Variants in MPP7 observed in about 807,000 individuals in gnomAD.
MPP7 encodes MAGUK p55 scaffold protein 7.
MPP7 carries 60 observed loss-of-function variants against 76.5 expected under a neutral mutation model. The ratio of observed to expected loss-of-function variants is 0.78; its 90% CI spans 0.64 to 0.97. The LOEUF (loss-of-function observed/expected upper bound fraction) is 0.97, where lower values mean the gene tolerates loss of function less well. MPP7 is among the 50% of genes least tolerant of loss of function. The pLI is 0.00. For synonymous variants in MPP7, 237 were observed against 244.5 expected (o/e 0.97, Z 0.29); for missense variants, 641 against 694.0 (o/e 0.92, Z 0.86).
intron 5 of MPP7, among the ~76,000 whole-genome samples, chr10:28,145,674 G>A (rs1835679840): frequency 6.6e-6 from 1 of 152,074 alleles, no homozygotes; most frequent in African/African-American, 2.4e-5. Context: ...AACTGACATT[G>A]CCAAACAAAA....
rs532281858 is a variant in MPP7, at chr10:28,320,221, T to C, written c.-132+9708A>G. Among the ~76,000 whole-genome samples, 527 of 152,226 alleles carry C rather than the reference T, an allele frequency of 3.5e-3. 2 individuals carry two copies. The highest frequency in any genetic ancestry group is 6.3e-3 in the Admixed American group (96 of 15,278). On this transcript the variant is annotated intron_variant, in intron 2 of 11. Transcript: ENST00000441595. The stretch of plus-strand genomic sequence containing the variant: ...AAGGTACCCTGGAGGAGAGCATTCC[T>C]TTTGGGATGCATCATGAATAAAAGG...
At position 28,145,760 on chromosome 10, in the gene MPP7, T is replaced by G. The variant is rs78705837; in HGVS notation, c.315+1723A>C. Among the ~76,000 whole-genome samples, 1,475 of 151,876 alleles carry G rather than the reference T, an allele frequency of 9.7e-3. 37 individuals carry two copies. The highest frequency in any genetic ancestry group is 0.078 in the East Asian group (394 of 5,056). Reference sequence around the variant, plus strand: ...CTTTCATGCTAACTTTACACAATTCTTTAGTCACACTGCTAGATAAAATGA... The same window carrying G: ...CTTTCATGCTAACTTTACACAATTCGTTAGTCACACTGCTAGATAAAATGA... On this transcript the variant is annotated intron_variant, in intron 5 of 16. Transcript: ENST00000683449.
At chr10:28,108,577 A>AG (rs1834399097) in intron 11 of MPP7, among the ~76,000 whole-genome samples, 2 of 152,064 alleles carry the variant, frequency 1.3e-5, no homozygotes, top group Non-Finnish European at 2.9e-5. Context: ...GGATGGTTTG[A>AG]GCCTGGGAGG....
intron 3 of MPP7, among the ~76,000 whole-genome samples, chr10:28,153,177 C>T (rs1041209178): frequency 2.6e-5 from 4 of 152,086 alleles, no homozygotes; most frequent in Non-Finnish European, 4.4e-5. Context: ...TGGCTTGAAC[C>T]CGGAAGGCGG....
intron 3 of MPP7, among the ~76,000 whole-genome samples, chr10:28,179,765 G>T (rs373158803): frequency 3.5e-4 from 54 of 152,264 alleles, no homozygotes; most frequent in Admixed American, 1.4e-3. Flanking sequence ...CACAATAGTG[G>T]CTAGCCAAAT....
chr10:28,155,609 A>AAAAAAAG (rs1554843036), intron 3 of MPP7, among the ~76,000 whole-genome samples: 1 of 137,070 alleles, frequency 7.3e-6, no homozygotes, highest in African/African-American at 2.8e-5. Context: ...AAAAAAAAAA[A>AAAAAAAG]GAAAGAAAAA....
intron 1 of MPP7, among the ~76,000 whole-genome samples, chr10:28,271,517 A>C (rs1840324992): frequency 6.6e-6 from 1 of 151,994 alleles, no homozygotes; most frequent in Non-Finnish European, 1.5e-5. Flanking sequence ...TCCTTCAGGC[A>C]CTCCTCCCTA....
intron 3 of MPP7, among the ~76,000 whole-genome samples, chr10:28,182,680 G>C (rs1837096298): frequency 6.6e-6 from 1 of 152,136 alleles, no homozygotes; most frequent in South Asian, 2.1e-4. Context: ...TAGATGATTT[G>C]TTATCTAGTC....
chr10:28,115,541 T>C (rs983291000), intron 11 of MPP7, among the ~76,000 whole-genome samples: 3 of 152,206 alleles, frequency 2.0e-5, no homozygotes, highest in Non-Finnish European at 4.4e-5. Context: ...TGAATTAACT[T>C]TATGTATGAA....
chr10:28,140,057 T>C (rs1835464201), intron 5 of MPP7, among the ~76,000 whole-genome samples: 2 of 152,202 alleles, frequency 1.3e-5, no homozygotes, highest in African/African-American at 4.8e-5. Context: ...TCAAAATGTA[T>C]TATAGACAAT....
At chr10:28,202,292 A>G in intron 2 of MPP7, 21 bp from the exon 3 acceptor site, 1 of 1,538,626 alleles carries the variant, frequency 6.5e-7, no homozygotes, top group Non-Finnish European at 9.0e-7. Flanking sequence ...AAAATAAAAC[A>G]CAAAGTGTAA....
chr10:28,316,234 C>T (rs1834319401), intron 2 of MPP7, among the ~76,000 whole-genome samples: 1 of 151,836 alleles, frequency 6.6e-6, no homozygotes, highest in South Asian at 2.1e-4. Flanking sequence ...GTCAGACATT[C>T]GAGACCAGCC....
chr10:28,223,050 C>T (rs777698017), intron 2 of MPP7, among the ~76,000 whole-genome samples: 3 of 151,502 alleles, frequency 2.0e-5, no homozygotes, highest in Non-Finnish European at 4.4e-5. Context: ...AGGAGAATCG[C>T]TTGAACCCGG....
At chr10:28,162,963 C>T (rs1431842690) in intron 3 of MPP7, among the ~76,000 whole-genome samples, 5 of 152,074 alleles carry the variant, frequency 3.3e-5, no homozygotes, top group Admixed American at 3.3e-4. Context: ...CTTGTGATTA[C>T]ATTGGTTGGA....
At chr10:28,099,999 G>A (rs1421924574) in intron 11 of MPP7, among the ~76,000 whole-genome samples, 1 of 149,898 alleles carries the variant, frequency 6.7e-6, no homozygotes, top group Non-Finnish European at 1.5e-5. Context: ...ATCATTGTAT[G>A]AGTTATTTTT....
chr10:28,199,908 T>C (rs1837714521), intron 3 of MPP7, among the ~76,000 whole-genome samples: 1 of 150,080 alleles, frequency 6.7e-6, no homozygotes, highest in Non-Finnish European at 1.5e-5. Flanking sequence ...ACACACACGA[T>C]CACACGATAA....
Position 28,237,106 on chromosome 10 carries a change from T to C in MPP7, c.37+1462A>G, listed in dbSNP as rs561568641. 1.1e-4 allele frequency among the ~76,000 whole-genome samples: 17 copies of C among 152,338 alleles called. No individual in the cohort carries two copies. In the East Asian group the frequency reaches 2.7e-3, roughly 24 times the overall value. ...GACACCTAAACTGCCTTATAAACTA[T>C]AAATACTCCATTTTAATCCTCCTTC... is the stretch of plus-strand genomic sequence containing the variant. On this transcript the variant is annotated intron_variant, in intron 2 of 16. Transcript: ENST00000683449.
chr10:28,161,403 G>T (rs776890679), intron 3 of MPP7, among the ~76,000 whole-genome samples: 12 of 146,062 alleles, frequency 8.2e-5, no homozygotes, highest in Non-Finnish European at 1.8e-4. Flanking sequence ...CTTATTCCTG[G>T]CAGAGTTATC....
intron 1 of MPP7, among the ~76,000 whole-genome samples, chr10:28,257,755 AAAAAAG>A (rs760208537): frequency 0.038 from 5,809 of 151,874 alleles, 223 homozygotes; most frequent in African/African-American, 0.091. Context: ...TAAAAAAAAA[AAAAAAG>A]AAAAGAAAGC....
Sources: gnomAD v4.1 joint callset for allele counts (sites outside exome capture counted in the v4.1 genomes callset) on GRCh38, gnomAD v4.1.1 for gene constraint, MANE v1.5 for transcripts, NCBI Gene and HGNC (gene_info 2026-07-23, HGNC 2026-07-21) for gene names.